The following PICALM variants were observed in gnomAD, a reference collection of about 807,000 sequenced individuals.
The protein encoded by PICALM is phosphatidylinositol binding clathrin assembly protein.
PICALM carries 40 observed loss-of-function variants against 80.5 expected under a neutral mutation model. The observed-to-expected ratio is 0.50, with a 90% CI of 0.39 to 0.65. The LOEUF is 0.65. Among genes scored for constraint, PICALM ranks in the 30% least tolerant of loss-of-function variants. The pLI is 0.00. For missense variants in PICALM, 676 were observed against 778.9 expected, an observed-to-expected ratio of 0.87 and a Z score of 1.57; for synonymous variants, 288 against 260.3, an observed-to-expected ratio of 1.11 and a Z score of -1.02.
At chr11:86,009,707 A>G (rs998689231) in intron 7 of PICALM, among the ~76,000 whole-genome samples, 1 of 152,022 alleles carries the variant, frequency 6.6e-6, no homozygotes, top group South Asian at 2.1e-4. Flanking sequence ...ACAAACAAAC[A>G]AAAAAAACTT....
At position 86,031,509 on chromosome 11, in the gene PICALM, G is replaced by C; in HGVS notation, c.233C>G (p.Ser78Cys). 1.2e-6 allele frequency: 2 copies of C among 1,612,756 alleles called. No homozygotes were observed. The highest frequency in any genetic ancestry group is 1.7e-6 in the Non-Finnish European group (2 of 1,179,362). Residue 78 changes from serine to cysteine, a missense_variant, in exon 2 of 20, where the codon TCT (serine) becomes TGT (cysteine). Ser to Cys is a moderately radical substitution (Grantham distance 112, BLOSUM62 -1). Around this residue, in one of 2 missense-constraint regions of PICALM, gnomAD observed 285 missense variants for 395.4 expected, o/e 0.72. Coordinates refer to ENST00000393346, the MANE Select transcript of PICALM (RefSeq NM_007166.4). Reference sequence around the variant, plus strand: ...CATCAAATGATGAGTTGTAATGAGAGATTTGAAGACCACCACCCAACTACT... The same window carrying C: ...CATCAAATGATGAGTTGTAATGAGACATTTGAAGACCACCACCCAACTACT... ...TNSSWVVVFK[S>C]LITTHHLMVY... is the part of the protein sequence containing the mutation.
intron 1 of PICALM, among the ~76,000 whole-genome samples, chr11:86,037,259 A>ATTTTTT (rs763255182): frequency 9.4e-6 from 1 of 106,034 alleles, no homozygotes; most frequent in African/African-American, 4.0e-5. Flanking sequence ...AAAAAAGAAA[A>ATTTTTT]TTTTTTTTTT....
intron 1 of PICALM, among the ~76,000 whole-genome samples, chr11:86,064,107 C>T (rs1215571031): frequency 1.3e-5 from 2 of 152,220 alleles, no homozygotes; most frequent in African/African-American, 2.4e-5. Context: ...ATGTTATACG[C>T]ATTTTTAATG....
intron 13 of PICALM, 100 bp from the exon 14 acceptor site, chr11:85,984,073 C>T: frequency 1.6e-6 from 1 of 616,528 alleles, no homozygotes. Context: ...CACTAAATTC[C>T]CCACACAAAA....
intron 1 of PICALM, among the ~76,000 whole-genome samples, chr11:86,051,581 A>C (rs2096188430): frequency 6.6e-6 from 1 of 152,282 alleles, no homozygotes; most frequent in Admixed American, 6.5e-5. Context: ...GAATCACTTG[A>C]ACCTGGGAGG....
chr11:86,014,065 CTG>C (rs1245440836), intron 5 of PICALM, among the ~76,000 whole-genome samples: 2 of 152,164 alleles, frequency 1.3e-5, no homozygotes, highest in African/African-American at 4.8e-5. Context: ...TATGAAATAC[CTG>C]TAAGATTTAT....
intron 11 of PICALM, among the ~76,000 whole-genome samples, chr11:85,998,731 C>G (rs1212818415): frequency 6.6e-6 from 1 of 152,080 alleles, no homozygotes; most frequent in African/African-American, 2.4e-5. Flanking sequence ...TGAGCCATGG[C>G]TGTGCCACTG....
chr11:86,042,999 T>C (rs2137095691), intron 1 of PICALM, among the ~76,000 whole-genome samples: 1 of 152,314 alleles, frequency 6.6e-6, no homozygotes, highest in Middle Eastern at 3.4e-3. Context: ...TAGTTAGGAA[T>C]GACCAACCGT....
intron 3 of PICALM, among the ~76,000 whole-genome samples, chr11:86,024,944 G>A (rs1282578990): frequency 1.3e-5 from 2 of 152,074 alleles, no homozygotes; most frequent in Non-Finnish European, 2.9e-5. Flanking sequence ...GAGCCTCACT[G>A]TTGAATATTC....
rs772362148 is a variant in PICALM at position 86,001,120 on chromosome 11, C to T, written c.932G>A (p.Ser311Asn). The T allele has an allele frequency of 6.2e-7, 1 of 1,613,892 alleles. No homozygotes were observed. The highest frequency in any genetic ancestry group is 1.3e-5 in the African/African-American group (1 of 75,042). ...CACTTTGGTCAGAGATAGACCAGTG[C>T]TTGCCAGGGAAGACACTGCATTGGA... The part of the protein sequence containing the change: ...TLSNAVSSLA[S>N]TGLSLTKVDE... Residue 311 changes from serine (S) to asparagine (N), a missense_variant, in exon 10 of 20, where the codon AGC (serine) becomes AAC (asparagine). Ser to Asn is a conservative substitution (Grantham distance 46). Coordinates refer to ENST00000393346, the MANE Select transcript of PICALM (RefSeq NM_007166.4).
chr11:86,067,399 G>A lies in PICALM; in HGVS notation c.130+1252C>T, dbSNP rs553133228. The stretch of plus-strand genomic sequence containing the variant: ...CCTATTTTTCCCTGAAAAGTTTCAG[G>A]TCTAAGCTCCATTGGCTTGAGTGAT... On this transcript the variant is annotated intron_variant, in intron 1 of 19. Coordinates refer to ENST00000393346, the MANE Select transcript of PICALM (RefSeq NM_007166.4). 1.8e-4 allele frequency among the ~76,000 whole-genome samples: 27 copies of A among 152,268 alleles called. 1 individual carries two copies. The highest frequency in any genetic ancestry group is 6.0e-4 in the African/African-American group (25 of 41,550).
At chr11:86,010,352 A>ATTTTTTT in intron 7 of PICALM, among the ~76,000 whole-genome samples, 1 of 149,056 alleles carries the variant, frequency 6.7e-6, no homozygotes. Flanking sequence ...TTTGAGATAG[A>ATTTTTTT]GTCTTGCTCT....
rs1001618961 is a variant in PICALM at position 85,990,361 on chromosome 11, T to G, written c.1297A>C (p.Ile433Leu). Residue 433 changes from isoleucine (I) to leucine (L), a missense_variant, in exon 13 of 20, where the codon ATT (isoleucine) becomes CTT (leucine). Physicochemically the swap from Ile to Leu is conservative, Grantham distance 5. Around this residue, in one of 2 missense-constraint regions of PICALM, gnomAD observed 391 missense variants for 383.6 expected, o/e 1.02. Coordinates refer to ENST00000393346, the MANE Select transcript of PICALM (RefSeq NM_007166.4). ...SATVDAVDDA[I>L]PSLNPFLTKS... ...GTGAGGAAAGGATTTAAGCTTGGAATGGCATCATCAACAGCATCTACAGTA... is the reference window on the plus strand; with the variant it reads ...GTGAGGAAAGGATTTAAGCTTGGAAGGGCATCATCAACAGCATCTACAGTA... The G allele has an allele frequency of 6.2e-6, 10 of 1,608,432 alleles. No individual in the cohort carries two copies. The Admixed American group carries it at 1.5e-4, about 24-fold the overall frequency.
intron 19 of PICALM, among the ~76,000 whole-genome samples, chr11:85,966,659 A>G (rs2093910729): frequency 6.6e-6 from 1 of 152,200 alleles, no homozygotes; most frequent in South Asian, 2.1e-4. Context: ...CCTGGTGCCC[A>G]TAAATTTGAC....
chr11:85,982,944 G>C (rs1253446209), intron 14 of PICALM, among the ~76,000 whole-genome samples: 1 of 152,128 alleles, frequency 6.6e-6, no homozygotes, highest in Non-Finnish European at 1.5e-5. Context: ...GAATATTACA[G>C]TTTGAAAAAG....
rs550980049 is a variant in PICALM, at chr11:86,013,291, G to A, written c.547-899C>T. ...GATCATGCCACAGAACTCCAGCCAG[G>A]GTGACAGAGAAAAATGCTGTCTCAA... On this transcript the variant is annotated intron_variant, in intron 5 of 19. Coordinates refer to ENST00000393346, the MANE Select transcript of PICALM (RefSeq NM_007166.4). Among the ~76,000 whole-genome samples the A allele has an allele frequency of 4.6e-5, 7 of 151,952 alleles. No homozygotes were observed. The South Asian group carries it at 1.5e-3, about 32-fold the overall frequency.
rs114581309 is a variant in PICALM at position 86,024,047 on chromosome 11, T to C, written c.350-1578A>G. The stretch of plus-strand genomic sequence containing the variant: ...CTCAGGAGGCTGAAGGGAGGACCGC[T>C]TGAGCCAGGAGTTAGAGGCTGCAGT... On this transcript the variant is annotated intron_variant, in intron 3 of 19. Transcript: ENST00000393346. Among the ~76,000 whole-genome samples the C allele has an allele frequency of 4.1e-3, 630 of 152,186 alleles. 4 individuals carry two copies. Among genetic ancestry groups the C allele is most frequent in the African/African-American group, 0.014 (597 of 41,518 alleles).
chr11:85,999,259 T>C (rs1028945682), intron 11 of PICALM, among the ~76,000 whole-genome samples: 6 of 152,036 alleles, frequency 3.9e-5, no homozygotes, highest in Non-Finnish European at 8.8e-5. Flanking sequence ...AGATAGTAGA[T>C]ATAAACGCAT....
rs59672357 is a variant in PICALM, at chr11:85,982,423, C to CTTTTTTTTTT, written c.1517-430_1517-421dup. ...ACGTTAAGAAATAAGATTTTATAGACTTTTTTTTTTTTTTTGAGACGGAGT... is the reference window on the plus strand; with the variant it reads ...ACGTTAAGAAATAAGATTTTATAGACTTTTTTTTTTTTTTTTTTTTTTTTTGAGACGGAGT... On this transcript the variant is annotated intron_variant, in intron 14 of 19. Transcript: ENST00000393346. Among the ~76,000 whole-genome samples, 294 of 70,158 alleles carry CTTTTTTTTTT rather than the reference C, an allele frequency of 4.2e-3. 67 individuals are homozygous for CTTTTTTTTTT. Among genetic ancestry groups the CTTTTTTTTTT allele is most frequent in the African/African-American group, 0.018 (275 of 15,458 alleles). 46.0% of individuals were successfully genotyped at this position (70,158 alleles called of 152,430 possible).
Sources: gnomAD v4.1 joint callset for allele counts (sites outside exome capture counted in the v4.1 genomes callset) on GRCh38, gnomAD v4.1.1 for gene constraint, gnomAD v4.1.1 regional missense constraint, MANE v1.5 for transcripts, NCBI Gene and HGNC (gene_info 2026-07-23, HGNC 2026-07-21) for gene names.